OGG1: variants seen among roughly 807,000 people sequenced by gnomAD.
OGG1 encodes the protein N-glycosylase/DNA lyase.
OGG1 carries 35 observed loss-of-function variants against 42.3 expected under a neutral mutation model. The ratio of observed to expected loss-of-function variants is 0.83; its 90% CI spans 0.63 to 1.10. OGG1 has a LOEUF of 1.10. Among genes scored for constraint, OGG1 ranks in the 50% least tolerant of loss-of-function variants. The pLI is 0.00. For missense variants in OGG1, 484 were observed against 446.7 expected (o/e 1.08, Z -0.75); for synonymous variants, 189 against 179.0 (o/e 1.06, Z -0.44).
chr3:9,754,851 A>C lies in OGG1; in HGVS notation c.713A>C (p.Lys238Thr), dbSNP rs1461616909. The C allele has an allele frequency of 1.9e-6, 3 of 1,606,690 alleles. No homozygotes were observed. In the African/African-American group the frequency reaches 4.0e-5, roughly 21 times the overall value. Residue 238 changes from lysine (K) to threonine (T), a missense_variant, in exon 4 of 7, where the codon AAG becomes ACG. Coordinates refer to ENST00000344629, the MANE Select transcript of OGG1 (RefSeq NM_002542.6). ...LRESSYEEAH[K>T]ALCILPGVGT... ...GAGTCCTCATATGAGGAGGCCCACAAGGCCCTCTGCATCCTGCCTGGAGTG... is the reference window on the plus strand; with the variant it reads ...GAGTCCTCATATGAGGAGGCCCACACGGCCCTCTGCATCCTGCCTGGAGTG...
chr3:9,772,851 C>T (rs887673806), intron 2 of OGG1, among the ~76,000 whole-genome samples: 2 of 152,220 alleles, frequency 1.3e-5, no homozygotes, highest in Admixed American at 1.3e-4. Context: ...CAACCAGAGA[C>T]AACCAGTGTT....
chr3:9,761,946 G>A (rs947553130), downstream of OGG1: 10 of 720,354 alleles, frequency 1.4e-5, no homozygotes, highest in Non-Finnish European at 2.2e-5. Context: ...AGGCTCAAGA[G>A]GGTGTGGGGG....
chr3:9,757,646 T>C, downstream of OGG1: 2 of 1,613,940 alleles, frequency 1.2e-6, no homozygotes, highest in Non-Finnish European at 1.7e-6. This position sits in a 1 kb window ranked among gnomAD's most constrained non-coding sequence, Gnocchi z 4.5. Context: ...AGAACAGAGG[T>C]GGCCGCAGGG....
chr3:9,780,006 T>G, intron 2 of OGG1: 1 of 195,308 alleles, frequency 5.1e-6, no homozygotes, highest in Non-Finnish European at 1.0e-5. Context: ...ATTCTTAAGT[T>G]TGCACTTTAC....
chr3:9,775,254 A>T lies in OGG1; in HGVS notation c.295-6259A>T, dbSNP rs2078350512. Reference sequence around the variant, plus strand: ...ACCCTGTCTCAAAAAAAAACCCCAAAAAAACAAAAAACAATATGCCCTGAG... The same window carrying T: ...ACCCTGTCTCAAAAAAAAACCCCAATAAAACAAAAAACAATATGCCCTGAG... On this transcript the variant is annotated intron_variant, in intron 2 of 3. Transcript: ENST00000426518. Among the ~76,000 whole-genome samples, 3 of 152,136 alleles carry T rather than the reference A, an allele frequency of 2.0e-5. No homozygotes were observed. The South Asian group carries it at 6.2e-4, about 32-fold the overall frequency.
At chr3:9,787,383 G>T (rs773355233) in intron 3 of OGG1, 1 of 1,562,170 alleles carries the variant, frequency 6.4e-7, no homozygotes, top group Non-Finnish European at 8.6e-7. Flanking sequence ...GTAAGCACTG[G>T]CCAGCCATGC....
downstream of OGG1, among the ~76,000 whole-genome samples, chr3:9,768,650 T>C (rs1446236683): frequency 6.6e-6 from 1 of 152,128 alleles, no homozygotes; most frequent in Non-Finnish European, 1.5e-5. Flanking sequence ...ACTTCCAATA[T>C]GAAGCCAGAA....
At chr3:9,779,830 C>G (rs1455352028) in intron 2 of OGG1, 1 of 152,118 alleles carries the variant, frequency 6.6e-6, no homozygotes, top group East Asian at 1.9e-4. Flanking sequence ...GAAAGAGGTA[C>G]TCAGAAAGTT....
chr3:9,789,099 G>C (rs990752668), downstream of OGG1, among the ~76,000 whole-genome samples: 2 of 152,174 alleles, frequency 1.3e-5, no homozygotes, highest in African/African-American at 2.4e-5. Context: ...GCCTCCCAAA[G>C]TGCTAGGATT....
At chr3:9,750,912 G>A in intron 1 of OGG1, 33 bp from the exon 2 acceptor site, 1 of 1,613,200 alleles carries the variant, frequency 6.2e-7, no homozygotes, top group Non-Finnish European at 8.5e-7. Flanking sequence ...AAAGGAAATT[G>A]AGTGCCAGGG....
downstream of OGG1, chr3:9,761,106 C>T (rs891520168): frequency 1.1e-5 from 4 of 348,422 alleles, no homozygotes; most frequent in South Asian, 7.3e-5. Context: ...GGCATCACCC[C>T]GTCTCCCTAT....
Position 9,783,927 on chromosome 3 carries a change from G to C in OGG1, c.382+2327G>C, listed in dbSNP as rs188077686. 2.8e-5 allele frequency: 40 copies of C among 1,438,878 alleles called. No homozygotes were observed. The Admixed American group carries it at 9.9e-4, about 36-fold the overall frequency. The allele number at this position is 1,438,878 out of a possible 1,614,324, so 89.1% of individuals were successfully genotyped here. On this transcript the variant is annotated intron_variant, in intron 3 of 3. Coordinates refer to the OGG1 transcript ENST00000426518. Reference sequence around the variant, plus strand: ...GGCTCTCCAGGTGATTTAGAGGCCAGCCAGGATTGGAAAGCCTGTTGTAAA... The same window carrying C: ...GGCTCTCCAGGTGATTTAGAGGCCACCCAGGATTGGAAAGCCTGTTGTAAA...
intron 2 of OGG1, 29 bp downstream of exon 2, chr3:9,751,221 G>A: frequency 5.6e-6 from 9 of 1,610,496 alleles, no homozygotes; most frequent in East Asian, 2.2e-5. Context: ...CTGGGGTTAG[G>A]GTTCTTGGAC....
chr3:9,780,396 C>T (rs1362017933), intron 2 of OGG1: 1 of 1,613,706 alleles, frequency 6.2e-7, no homozygotes, highest in African/African-American at 1.3e-5. Context: ...CACGCTCCTT[C>T]AGAGTCTTCC....
exon 8 of OGG1, chr3:9,765,889 C>G (rs763370367): frequency 1.2e-6 from 2 of 1,614,026 alleles, no homozygotes; most frequent in African/African-American, 1.3e-5. Context: ...GAGAAGGCCC[C>G]CCTATCGGGA....
intron 7 of OGG1, among the ~76,000 whole-genome samples, chr3:9,764,547 G>A (rs1410736356): frequency 6.6e-6 from 1 of 151,366 alleles, no homozygotes; most frequent in Admixed American, 6.6e-5. Flanking sequence ...CCCCACCTCA[G>A]GTGATCTGCC....
chr3:9,787,393 C>T (rs1559719382), intron 3 of OGG1: 1 of 1,547,100 alleles, frequency 6.5e-7, no homozygotes, highest in Non-Finnish European at 8.7e-7. Context: ...GCCAGCCATG[C>T]TTCATTCATT....
exon 4 of OGG1, chr3:9,787,750 A>C (rs1305795316): frequency 7.9e-7 from 1 of 1,268,386 alleles, no homozygotes; most frequent in African/African-American, 1.5e-5. Flanking sequence ...GAAATCAGAT[A>C]AGTGAAGTGA....
At chr3:9,784,818 T>C (rs1010700330) in intron 3 of OGG1, among the ~76,000 whole-genome samples, 2 of 150,340 alleles carry the variant, frequency 1.3e-5, no homozygotes, top group African/African-American at 4.9e-5. Context: ...GAGCCAAGAT[T>C]GCGCCATTGC....
Sources: allele counts gnomAD v4.1 joint callset (sites outside exome capture counted in the v4.1 genomes callset), GRCh38; gene constraint gnomAD v4.1.1; non-coding constraint Gnocchi (gnomAD v3.1); transcripts MANE v1.5; gene names NCBI Gene and HGNC (gene_info 2026-07-23, HGNC 2026-07-21).